SRP72: variants seen among roughly 807,000 people sequenced by gnomAD.
SRP72 encodes signal recognition particle 72, also known as signal recognition particle subunit SRP72.
Under a neutral mutation model 96.3 loss-of-function variants are expected in SRP72, and 49 were observed. The ratio of observed to expected loss-of-function variants is 0.51; its 90% CI spans 0.40 to 0.65. The LOEUF (loss-of-function observed/expected upper bound fraction) is 0.65. Among genes scored for constraint, SRP72 ranks in the 30% least tolerant of loss-of-function variants. SRP72 has a pLI of 0.00. For synonymous variants in SRP72, 267 were observed against 275.2 expected, an observed-to-expected ratio of 0.97 and a Z score of 0.30; for missense variants, 736 against 793.3, an observed-to-expected ratio of 0.93 and a Z score of 0.87.
At chr4:56,498,775 A>G (rs1367261328) in intron 17 of SRP72, among the ~76,000 whole-genome samples, 1 of 152,232 alleles carries the variant, frequency 6.6e-6, no homozygotes, top group Non-Finnish European at 1.5e-5. Flanking sequence ...GAGAGAGGAC[A>G]CAAATGGAAG....
At chr4:56,484,135 G>A (rs1432745996) in intron 9 of SRP72, among the ~76,000 whole-genome samples, 16 of 147,430 alleles carry the variant, frequency 1.1e-4, no homozygotes, top group Non-Finnish European at 7.4e-5. Flanking sequence ...CTGGGTTCAC[G>A]CTATTCTCCT....
chr4:56,491,457 A>G lies in SRP72; in HGVS notation c.1529A>G (p.Asp510Gly), dbSNP rs763049389. ...CTTAGTAAACACTTGCCATCGTCAG[A>G]TAGTATGTCTCTAAAAGTAGATGTT... ...KALSKHLPSSDSMSLKVDVEA... is the reference protein window; with the variant it reads ...KALSKHLPSSGSMSLKVDVEA... Residue 510 changes from aspartate to glycine, a missense_variant, in exon 16 of 19, where the codon GAT becomes GGT. By Grantham distance (94) the Asp-to-Gly change is moderately conservative. Coordinates refer to ENST00000642900, the MANE Select transcript of SRP72 (RefSeq NM_006947.4). 3 of 1,613,842 alleles carry G rather than the reference A, an allele frequency of 1.9e-6. No homozygotes were observed. Among genetic ancestry groups the G allele is most frequent in the African/African-American group, 1.3e-5 (1 of 74,924 alleles).
chr4:56,467,845 G>A, intron 1 of SRP72, 101 bp downstream of exon 1: 4 of 1,164,956 alleles, frequency 3.4e-6, no homozygotes, highest in East Asian at 3.2e-5. Flanking sequence ...ACGGGAAGGG[G>A]AGACCCCCGA....
chr4:56,491,329 A>G (rs1720896815), intron 15 of SRP72, 102 bp from the exon 16 acceptor site: 1 of 1,374,734 alleles, frequency 7.3e-7, no homozygotes, highest in Non-Finnish European at 9.8e-7. Context: ...CATCAAGAAA[A>G]GACAGTCTTC....
chr4:56,490,973 A>G (rs17086887), intron 15 of SRP72, among the ~76,000 whole-genome samples: 49,870 of 152,036 alleles, frequency 0.33, 8,511 homozygotes, highest in East Asian at 0.46. Flanking sequence ...TGTTATTTTC[A>G]GATTCAACTA....
At position 56,495,292 on chromosome 4, in the gene SRP72, A is replaced by T. The variant is rs562741052; in HGVS notation, c.1641-65A>T. ...AGTGCCCAACTAACTCTTATAGAGC[A>T]CTTACTTAATGCTCTATAAATATTT... On this transcript the variant is annotated intron_variant, in intron 16 of 18. Coordinates refer to ENST00000642900, the MANE Select transcript of SRP72 (RefSeq NM_006947.4). 64 of 1,124,104 alleles carry T rather than the reference A, an allele frequency of 5.7e-5. 1 individual carries two copies. In the South Asian group the frequency reaches 8.8e-4, roughly 15 times the overall value. 69.6% of individuals were successfully genotyped at this position (1,124,104 alleles called of 1,614,324 possible). A position where few individuals can be genotyped will look rare whatever the true frequency, so the allele number is the denominator to read the frequency against.
At chr4:56,479,110 A>AAT (rs960045336) in intron 8 of SRP72, among the ~76,000 whole-genome samples, 1 of 151,960 alleles carries the variant, frequency 6.6e-6, no homozygotes, top group African/African-American at 2.4e-5. Context: ...AAATACTATA[A>AAT]ATATATATAT....
At chr4:56,477,361 G>T (rs1720285807) in intron 6 of SRP72, among the ~76,000 whole-genome samples, 1 of 127,558 alleles carries the variant, frequency 7.8e-6, no homozygotes. Flanking sequence ...CTGGATTGCT[G>T]TGATATGATC....
At chr4:56,489,863 G>A (rs375710216) in intron 13 of SRP72, among the ~76,000 whole-genome samples, 2 of 152,154 alleles carry the variant, frequency 1.3e-5, no homozygotes, top group African/African-American at 4.8e-5. Flanking sequence ...TGTTTATCAT[G>A]TCTCTATCTA....
At chr4:56,477,491 GTTGACAAGT>G in intron 6 of SRP72, among the ~76,000 whole-genome samples, 1 of 151,578 alleles carries the variant, frequency 6.6e-6, no homozygotes, top group Non-Finnish European at 1.5e-5. Context: ...GTCTCGCTGT[GTTGACAAGT>G]TTGGCTTATC....
At chr4:56,477,618 A>C (rs1230805002) in intron 6 of SRP72, among the ~76,000 whole-genome samples, 1 of 152,002 alleles carries the variant, frequency 6.6e-6, no homozygotes, top group Non-Finnish European at 1.5e-5. Context: ...TAATATTTTT[A>C]AGTTTTATCA....
At chr4:56,475,403 A>AAATATATAT (rs1553945339) in intron 5 of SRP72, among the ~76,000 whole-genome samples, 1 of 150,862 alleles carries the variant, frequency 6.6e-6, no homozygotes, top group South Asian at 2.1e-4. Context: ...ACAAAAAAAA[A>AAATATATAT]ATATATATGT....
Position 56,483,256 on chromosome 4 carries a change from A to G in SRP72, c.943A>G (p.Met315Val). 6.2e-7 allele frequency: 1 copy of G among 1,612,964 alleles called. No homozygotes were observed. The highest frequency in any genetic ancestry group is 8.5e-7 in the Non-Finnish European group (1 of 1,179,658). The change falls in exon 9 of 19, where the codon ATG (methionine) becomes GTG (valine). Residue 315 changes from methionine (M) to valine (V), a missense_variant. Coordinates refer to ENST00000642900, the MANE Select transcript of SRP72 (RefSeq NM_006947.4). ...AIEFNKALLA[M>V]YTNQAEQCRK... ...AGAATTTAACAAAGCTTTACTTGCT[A>G]TGTACACAAACCAGGTGGGTAATTA...
intron 17 of SRP72, among the ~76,000 whole-genome samples, chr4:56,500,144 CAT>C (rs1721211092): frequency 6.6e-6 from 1 of 152,048 alleles, no homozygotes; most frequent in African/African-American, 2.4e-5. Flanking sequence ...TGTTCTCACT[CAT>C]AAGTGGGAGT....
chr4:56,500,401 A>G, intron 17 of SRP72, 135 bp from the exon 18 acceptor site: 2 of 987,960 alleles, frequency 2.0e-6, no homozygotes, highest in South Asian at 3.8e-5. Flanking sequence ...CTGCTAGATT[A>G]TACAAACTAA....
chr4:56,496,478 A>AT (rs1461011161), intron 17 of SRP72, among the ~76,000 whole-genome samples: 6 of 152,200 alleles, frequency 3.9e-5, no homozygotes, highest in African/African-American at 1.4e-4. Context: ...ATTGGCAAAC[A>AT]TTTAATATTT....
intron 13 of SRP72, 113 bp downstream of exon 13, chr4:56,489,596 A>G: frequency 1.9e-6 from 1 of 524,442 alleles, no homozygotes. Flanking sequence ...TAAAAGTGGA[A>G]TACTATTTAG....
At chr4:56,497,229 T>A (rs570130849) in intron 17 of SRP72, among the ~76,000 whole-genome samples, 4 of 150,824 alleles carry the variant, frequency 2.7e-5, no homozygotes, top group Non-Finnish European at 5.9e-5. Flanking sequence ...TATTTATTTT[T>A]TTTTTTTTGA....
chr4:56,482,510 A>C (rs1720542565), intron 8 of SRP72, among the ~76,000 whole-genome samples: 1 of 152,180 alleles, frequency 6.6e-6, no homozygotes, highest in Non-Finnish European at 1.5e-5. Context: ...AATAGACAAC[A>C]ATATAGTGTA....
Sources: gnomAD v4.1 joint callset for allele counts (sites outside exome capture counted in the v4.1 genomes callset) on GRCh38, gnomAD v4.1.1 for gene constraint, MANE v1.5 for transcripts, NCBI Gene and HGNC (gene_info 2026-07-23, HGNC 2026-07-21) for gene names.